MAGI2: variants seen among roughly 807,000 people sequenced by gnomAD.
MAGI2 encodes membrane-associated guanylate kinase, WW and PDZ domain-containing protein 2.
In MAGI2, 35 loss-of-function variants were observed where a neutral mutation model predicts 133.3. The observed-to-expected ratio is 0.26, with a 90% CI of 0.20 to 0.35. The LOEUF (loss-of-function observed/expected upper bound fraction) is 0.35, where lower values mean the gene tolerates loss of function less well. Among genes scored for constraint, MAGI2 ranks in the 10% least tolerant of loss-of-function variants. The probability of loss-of-function intolerance (pLI) is 1.00; values close to 1 mark genes in which losing one functional copy is unlikely to be tolerated. For missense variants in MAGI2, 1,636 were observed against 1,863.4 expected, an observed-to-expected ratio of 0.88 and a Z score of 2.25; for synonymous variants, 729 against 710.6, an observed-to-expected ratio of 1.03 and a Z score of -0.41.
chr7:78,363,987 C>G (rs9791992), intron 7 of MAGI2, among the ~76,000 whole-genome samples: 78,267 of 151,924 alleles, frequency 0.52, 20,797 homozygotes, highest in Middle Eastern at 0.61. Flanking sequence ...GCGTTCCTCC[C>G]CTCCCCTCCC....
intron 1 of MAGI2, chr7:79,177,308 A>C (rs1826187183): frequency 6.6e-6 from 1 of 152,080 alleles, no homozygotes; most frequent in South Asian, 2.1e-4. Context: ...TGGTAAGACA[A>C]AGTGAAAATA....
At chr7:78,269,238 A>G (rs1794324191) in intron 9 of MAGI2, among the ~76,000 whole-genome samples, 1 of 152,232 alleles carries the variant, frequency 6.6e-6, no homozygotes, top group Admixed American at 6.5e-5. Flanking sequence ...CAGTGCCACA[A>G]TAAACATATT....
intron 21 of MAGI2, among the ~76,000 whole-genome samples, chr7:78,068,800 T>A (rs1814129050): frequency 6.6e-6 from 1 of 152,210 alleles, no homozygotes; most frequent in Non-Finnish European, 1.5e-5. Flanking sequence ...TTGGTTGGAC[T>A]TACCCTGGAA....
intron 1 of MAGI2, among the ~76,000 whole-genome samples, chr7:79,186,304 G>A (rs1221928918): frequency 3.4e-5 from 5 of 147,046 alleles, no homozygotes; most frequent in Non-Finnish European, 6.0e-5. Context: ...TTTAATGAGC[G>A]ACCATGCACT....
At chr7:78,896,449 GC>G (rs1414631510) in intron 2 of MAGI2, among the ~76,000 whole-genome samples, 4 of 150,934 alleles carry the variant, frequency 2.7e-5, no homozygotes, top group African/African-American at 9.7e-5. Flanking sequence ...ATATAAATAA[GC>G]ATATACGACA....
At chr7:78,369,306 G>T in intron 6 of MAGI2, 93 bp from the exon 7 acceptor site, 1 of 858,172 alleles carries the variant, frequency 1.2e-6, no homozygotes, top group Non-Finnish European at 1.8e-6. Context: ...TGCAGAAATG[G>T]TCTGCCAAAG....
chr7:79,291,715 G>T (rs1173758709), intron 1 of MAGI2, among the ~76,000 whole-genome samples: 2 of 152,012 alleles, frequency 1.3e-5, no homozygotes, highest in African/African-American at 4.8e-5. Flanking sequence ...TGCTGTCCTT[G>T]GAGAAATGAC....
chr7:78,973,341 A>G (rs1395623284), intron 2 of MAGI2, among the ~76,000 whole-genome samples: 1 of 151,620 alleles, frequency 6.6e-6, no homozygotes, highest in Non-Finnish European at 1.5e-5. Context: ...TTCTGTATTT[A>G]TATCTTGTAT....
chr7:79,026,927 A>G (rs2116755407), intron 1 of MAGI2, among the ~76,000 whole-genome samples: 1 of 151,728 alleles, frequency 6.6e-6, no homozygotes, highest in Middle Eastern at 3.4e-3. Flanking sequence ...TCTCAAAAGA[A>G]GACATACAAA....
At chr7:78,529,667 G>GTTTTTTTTTTTTTTTTTTTT (rs1563128653) in intron 3 of MAGI2, among the ~76,000 whole-genome samples, 1 of 56,320 alleles carries the variant, frequency 1.8e-5, no homozygotes, top group African/African-American at 6.5e-5. Context: ...TAAAGGAGAT[G>GTTTTTTTTTTTTTTTTTTTT]GTTTTTTTTT....
At chr7:78,996,350 T>C (rs1487902349) in intron 2 of MAGI2, among the ~76,000 whole-genome samples, 1 of 152,166 alleles carries the variant, frequency 6.6e-6, no homozygotes, top group Non-Finnish European at 1.5e-5. Flanking sequence ...CTTTTGTCAC[T>C]GAAGTGTTCT....
At position 78,443,478 on chromosome 7, in the gene MAGI2, T is replaced by G. The variant is rs1182630723; in HGVS notation, c.1045+46283A>C. ...CAGTTCATGATGCTATCCCCAGGCTTTAAAAATGTGCCTGAAACATAATAA... is the reference window on the plus strand; with the variant it reads ...CAGTTCATGATGCTATCCCCAGGCTGTAAAAATGTGCCTGAAACATAATAA... On this transcript the variant is annotated intron_variant, in intron 6 of 21. Coordinates refer to ENST00000354212, the MANE Select transcript of MAGI2 (RefSeq NM_012301.4). Among the ~76,000 whole-genome samples, 5 of 152,182 alleles carry G rather than the reference T, an allele frequency of 3.3e-5. No individual in the cohort carries two copies. The East Asian group carries it at 9.6e-4, about 29-fold the overall frequency.
chr7:78,735,820 ATTTACT>A (rs925144604), intron 2 of MAGI2, among the ~76,000 whole-genome samples: 45 of 152,286 alleles, frequency 3.0e-4, no homozygotes, highest in African/African-American at 1.1e-3. Flanking sequence ...AATCTAATAG[ATTTACT>A]TTTAAAACAC....
intron 3 of MAGI2, among the ~76,000 whole-genome samples, chr7:78,572,936 G>A (rs1801664107): frequency 6.7e-6 from 1 of 148,312 alleles, no homozygotes; most frequent in Non-Finnish European, 1.5e-5. Flanking sequence ...ACAGGCATGA[G>A]CCACCATGCC....
chr7:78,722,983 G>C (rs1429263002), intron 2 of MAGI2, among the ~76,000 whole-genome samples: 3 of 152,152 alleles, frequency 2.0e-5, no homozygotes, highest in Non-Finnish European at 2.9e-5. Flanking sequence ...GGAAAAGGAA[G>C]ATGTAAGAAT....
chr7:78,228,600 T>G (rs186646778), intron 10 of MAGI2, among the ~76,000 whole-genome samples: 1 of 152,334 alleles, frequency 6.6e-6, no homozygotes, highest in Non-Finnish European at 1.5e-5. Flanking sequence ...AGAAATTTTT[T>G]AGATGCTGAA....
At chr7:79,232,625 G>T in intron 1 of MAGI2, among the ~76,000 whole-genome samples, 1 of 82,692 alleles carries the variant, frequency 1.2e-5, no homozygotes, top group Non-Finnish European at 2.3e-5. Flanking sequence ...TATTTCTGTG[G>T]GATCGGTGGT....
intron 2 of MAGI2, among the ~76,000 whole-genome samples, chr7:78,812,948 G>A (rs1230203464): frequency 6.6e-6 from 1 of 152,048 alleles, no homozygotes; most frequent in East Asian, 1.9e-4. Context: ...ACATATGAGA[G>A]CTCACCATAA....
intron 1 of MAGI2, among the ~76,000 whole-genome samples, chr7:79,184,408 T>C (rs1425972516): frequency 6.6e-6 from 1 of 150,544 alleles, no homozygotes; most frequent in Admixed American, 6.6e-5. Flanking sequence ...CAAAAACGTA[T>C]TGAAATTAAA....
Sources: allele counts gnomAD v4.1 joint callset (sites outside exome capture counted in the v4.1 genomes callset), GRCh38; gene constraint gnomAD v4.1.1; transcripts MANE v1.5; gene names NCBI Gene and HGNC (gene_info 2026-07-23, HGNC 2026-07-21).